CDK11B: variants seen among roughly 807,000 people sequenced by gnomAD.
CDK11B encodes cyclin-dependent kinase 11B.
A neutral mutation model predicts 84.0 loss-of-function variants in CDK11B; 37 were observed. The observed-to-expected ratio is 0.44, with a 90% CI of 0.34 to 0.58. The LOEUF is 0.58. CDK11B is among the 20% of genes least tolerant of loss of function. The probability of loss-of-function intolerance (pLI) is 0.02; values close to 1 mark genes in which losing one functional copy is unlikely to be tolerated. For synonymous variants in CDK11B, 269 were observed against 309.8 expected (o/e 0.87, Z 1.38); for missense variants, 427 against 834.0 (o/e 0.51, Z 6.01).
At chr1:1,654,868 C>T (rs1485863374) in intron 3 of CDK11B, among the ~76,000 whole-genome samples, 3 of 150,460 alleles carry the variant, frequency 2.0e-5, no homozygotes, top group Non-Finnish European at 4.4e-5. Context: ...CTGTGTTAGC[C>T]AGGATGGTCT....
chr1:1,637,949 T>C (rs1639633635), intron 12 of CDK11B, 66 bp from the exon 13 acceptor site: 1 of 1,601,924 alleles, frequency 6.2e-7, no homozygotes, highest in Non-Finnish European at 8.5e-7. Flanking sequence ...AGTGGACTCG[T>C]TCAGTGAGGA....
intron 11 of CDK11B, among the ~76,000 whole-genome samples, chr1:1,639,142 T>C (rs973566942): frequency 6.6e-6 from 1 of 151,560 alleles, no homozygotes; most frequent in Non-Finnish European, 1.5e-5. Context: ...GATTTCACCA[T>C]ATTGGCCAGG....
In CDK11B at chr1:1,636,935, G is replaced by A; in HGVS notation, c.1762C>T (p.Leu588=). 1 of 1,607,426 alleles carries A rather than the reference G, an allele frequency of 6.2e-7. No individual in the cohort carries two copies. The highest frequency in any genetic ancestry group is 8.5e-7 in the Non-Finnish European group (1 of 1,175,946). The part of the protein sequence containing the change: ...LKAYTPVVVT[L]WYRAPELLLG... ...AGCAGCTCTGGGGCGCGGTACCACA[G>A]GGTCACCACGACCGGGGTGTAGGCC... Residue 588 remains leucine, a synonymous_variant, in exon 16 of 20, where the codon CTG becomes TTG. Coordinates refer to ENST00000341832, the MANE Select transcript of CDK11B (RefSeq NM_033486.3).
chr1:1,637,262 T>C, intron 14 of CDK11B, 60 bp from the exon 15 acceptor site: 22 of 1,599,194 alleles, frequency 1.4e-5, no homozygotes, highest in Non-Finnish European at 1.9e-5. Context: ...GCACTCAGGG[T>C]GGCCCACTCG....
At chr1:1,647,695 C>T (rs1387815745) in intron 5 of CDK11B, among the ~76,000 whole-genome samples, 2 of 152,278 alleles carry the variant, frequency 1.3e-5, no homozygotes, top group African/African-American at 4.8e-5. Flanking sequence ...GCGGCTCGAG[C>T]TCTCTCCAGT....
In CDK11B at chr1:1,636,470, G is replaced by A. The variant is rs540417782; in HGVS notation, c.1929C>T (p.Thr643=). 14 of 1,612,324 alleles carry A rather than the reference G, an allele frequency of 8.7e-6. No homozygotes were observed. In the Admixed American group the frequency reaches 1.0e-4, roughly 12 times the overall value. The stretch of plus-strand genomic sequence containing the variant: ...AGCCGGGCCAGATTTTCTCACTAGG[G>A]GTCCCCAGATCCTGAAAGACAGAGG... ...QINKVFKDLG[T]PSEKIWPGYS... is the part of the protein sequence containing the mutation. Residue 643 remains threonine, a synonymous_variant, in exon 18 of 20, where the codon ACC becomes ACT. Coordinates refer to ENST00000341832, the MANE Select transcript of CDK11B (RefSeq NM_033486.3).
At position 1,640,361 on chromosome 1, in the gene CDK11B, T is replaced by C; in HGVS notation, c.1167A>G (p.Thr389=). The C allele has an allele frequency of 6.2e-7, 1 of 1,613,710 alleles. No individual in the cohort carries two copies. The highest frequency in any genetic ancestry group is 8.5e-7 in the Non-Finnish European group (1 of 1,179,672). ...GGGAGTCGGGCACATAGTCGCCCTC[T>C]GTCAGGGCGCTGCTCTGCGGCGTTC... ...GEGTPQSSAL[T]EGDYVPDSPA... Residue 389 remains threonine (T), a synonymous_variant, in exon 11 of 20, where the codon ACA becomes ACG. Coordinates refer to ENST00000341832, the MANE Select transcript of CDK11B (RefSeq NM_033486.3).
intron 11 of CDK11B, among the ~76,000 whole-genome samples, chr1:1,639,933 C>A (rs1640005025): frequency 6.6e-6 from 1 of 151,658 alleles, no homozygotes; most frequent in South Asian, 2.1e-4. Flanking sequence ...GCCTACATAA[C>A]CCGCCCACGC....
At chr1:1,639,529 G>A (rs1181514334) in intron 11 of CDK11B, among the ~76,000 whole-genome samples, 1 of 151,922 alleles carries the variant, frequency 6.6e-6, no homozygotes, top group Non-Finnish European at 1.5e-5. Flanking sequence ...GATGCCCCAT[G>A]CCAGGGCACC....
Position 1,655,460 on chromosome 1 carries a change from C to T in CDK11B, c.136G>A (p.Asp46Asn), listed in dbSNP as rs1461840614. ...KNSDDRDSKR[D>N]SLEEGELRDH... Reference sequence around the variant, plus strand: ...CTCAGCTCCCCCTCCTCAAGGGAATCCCGCTTGGAATCCCGGTCATCAGAC... The same window carrying T: ...CTCAGCTCCCCCTCCTCAAGGGAATTCCGCTTGGAATCCCGGTCATCAGAC... Residue 46 changes from aspartate to asparagine, a missense_variant, in exon 3 of 20, where the codon GAT (aspartate) becomes AAT (asparagine). By Grantham distance (23) the Asp-to-Asn change is conservative. Coordinates refer to ENST00000341832, the MANE Select transcript of CDK11B (RefSeq NM_033486.3). 1.2e-6 allele frequency: 2 copies of T among 1,612,330 alleles called. No homozygotes were observed. The highest frequency in any genetic ancestry group is 1.1e-5 in the South Asian group (1 of 91,018).
chr1:1,658,951 G>A lies in CDK11B; in HGVS notation c.-51C>T, dbSNP rs1570281703. On this transcript the variant is annotated 5_prime_UTR_variant, in exon 1 of 20. Coordinates refer to ENST00000341832, the MANE Select transcript of CDK11B (RefSeq NM_033486.3). ...GCCGCTGCCGCCGCCGCCGCCGCCG[G>A]TCCCGGAGCCAGAGAAGAAACAGCA... The A allele has an allele frequency of 4.9e-6, 1 of 205,894 alleles. No individual in the cohort carries two copies. Among genetic ancestry groups the A allele is most frequent in the Non-Finnish European group, 9.8e-6 (1 of 101,762 alleles). 12.8% of individuals were successfully genotyped at this position (205,894 alleles called of 1,614,324 possible).
chr1:1,648,601 C>G (rs1395104539), intron 5 of CDK11B, among the ~76,000 whole-genome samples: 1 of 151,940 alleles, frequency 6.6e-6, no homozygotes, highest in Non-Finnish European at 1.5e-5. Context: ...GATGGGCCTG[C>G]TCCCACCTGG....
At position 1,652,555 on chromosome 1, in the gene CDK11B, T is replaced by C; in HGVS notation, c.239A>G (p.Asp80Gly). 1 of 1,471,632 alleles carries C rather than the reference T, an allele frequency of 6.8e-7. No individual in the cohort carries two copies. The highest frequency in any genetic ancestry group is 8.9e-7 in the Non-Finnish European group (1 of 1,118,212). The allele number at this position is 1,471,632 out of a possible 1,614,324, so 91.2% of individuals were successfully genotyped here. ...GGGTGGTTTGATGGCCAAAGAATCA[T>C]CTTCTTCTCCTCTGAAATAAAACAC... ...EDSMEDRGEE[D>G]DSLAIKPPQQ... Residue 80 changes from aspartate to glycine, a missense_variant, in exon 4 of 20, where the codon GAT (aspartate) becomes GGT (glycine). Transcript: ENST00000341832.
intron 5 of CDK11B, among the ~76,000 whole-genome samples, chr1:1,647,479 C>CGT: frequency 6.6e-6 from 1 of 152,222 alleles, no homozygotes; most frequent in African/African-American, 2.4e-5. Flanking sequence ...GGGTCACCAC[C>CGT]ATGGCTGCAC....
At chr1:1,637,304 TC>T in intron 14 of CDK11B, 102 bp from the exon 15 acceptor site, 1 of 1,569,614 alleles carries the variant, frequency 6.4e-7, no homozygotes, top group South Asian at 1.2e-5. Context: ...CTCAGGGCTT[TC>T]CCTGTGGATG....
Position 1,636,384 on chromosome 1 carries a change from C to G in CDK11B, c.2015G>C (p.Arg672Pro), listed in dbSNP as rs1376368167. 6.2e-7 allele frequency: 1 copy of G among 1,607,088 alleles called. No homozygotes were observed. Among genetic ancestry groups the G allele is most frequent in the Non-Finnish European group, 8.5e-7 (1 of 1,176,456 alleles). Residue 672 changes from arginine to proline, a missense_variant, in exon 18 of 20, where the codon CGC becomes CCC. Coordinates refer to ENST00000341832, the MANE Select transcript of CDK11B (RefSeq NM_033486.3). ...TFSEHPYNNL[R>P]KRFGALLSDQ... ...TGAGAGCAGAGCCCCGAAGCGCTTG[C>G]GGAGGTTGTTGTAGGGGTGCTCGCT...
intron 11 of CDK11B, 82 bp downstream of exon 11, chr1:1,640,195 C>T (rs1453161874): frequency 5.4e-5 from 81 of 1,511,580 alleles, no homozygotes; most frequent in South Asian, 2.3e-4. Context: ...GACGCCAACA[C>T]GGGGGCCAGG....
At chr1:1,638,903 C>T (rs1423911233) in intron 11 of CDK11B, among the ~76,000 whole-genome samples, 2 of 151,468 alleles carry the variant, frequency 1.3e-5, no homozygotes, top group Admixed American at 6.6e-5. Flanking sequence ...GAGTTCAAGA[C>T]CAGCCCGGCC....
intron 2 of CDK11B, among the ~76,000 whole-genome samples, chr1:1,657,092 A>G (rs1443004099): frequency 8.0e-6 from 1 of 125,054 alleles, no homozygotes; most frequent in African/African-American, 3.3e-5. Flanking sequence ...ATACTAATGA[A>G]CCGAGAAAAA....
Sources: gnomAD v4.1 joint callset for allele counts (sites outside exome capture counted in the v4.1 genomes callset) on GRCh38, gnomAD v4.1.1 for gene constraint, MANE v1.5 for transcripts, NCBI Gene and HGNC (gene_info 2026-07-23, HGNC 2026-07-21) for gene names.